ROBO1: variants seen among roughly 807,000 people sequenced by gnomAD.
ROBO1 encodes the protein roundabout guidance receptor 1.
Under a neutral mutation model 195.9 loss-of-function variants are expected in ROBO1, and 149 were observed. The ratio of observed to expected loss-of-function variants is 0.76; its 90% CI spans 0.67 to 0.87. ROBO1 has a LOEUF of 0.87. ROBO1 is among the 40% of genes least tolerant of loss of function. The pLI, the probability that ROBO1 is intolerant of heterozygous loss-of-function variation, is 0.00. For missense variants in ROBO1, 1,933 were observed against 2,068.3 expected, an observed-to-expected ratio of 0.93 and a Z score of 1.27; for synonymous variants, 816 against 733.2, an observed-to-expected ratio of 1.11 and a Z score of -1.82.
intron 2 of ROBO1, among the ~76,000 whole-genome samples, chr3:79,381,199 A>G (rs946666660): frequency 2.0e-5 from 3 of 151,962 alleles, no homozygotes; most frequent in Non-Finnish European, 2.9e-5. Flanking sequence ...TCTACTAAAA[A>G]TACTAAAATT....
At chr3:79,110,702 A>C (rs1381343688) in intron 3 of ROBO1, among the ~76,000 whole-genome samples, 1 of 148,854 alleles carries the variant, frequency 6.7e-6, no homozygotes. Flanking sequence ...GGGTCACTGC[A>C]GCCTTGAACT....
intron 1 of ROBO1, among the ~76,000 whole-genome samples, chr3:79,636,768 G>T (rs1945508078): frequency 6.6e-6 from 1 of 152,190 alleles, no homozygotes; most frequent in Admixed American, 6.5e-5. Flanking sequence ...GGCTTCAAAA[G>T]AAGATTTGAG....
At chr3:79,125,363 G>T (rs1005875086) in intron 3 of ROBO1, 93 bp downstream of exon 3, 16 of 987,514 alleles carry the variant, frequency 1.6e-5, no homozygotes, top group Admixed American at 1.0e-4. Context: ...TGGAAGCAGG[G>T]ATGATTCGAT....
chr3:79,705,501 C>T (rs1049292731), intron 1 of ROBO1, among the ~76,000 whole-genome samples: 1 of 151,944 alleles, frequency 6.6e-6, no homozygotes, highest in Non-Finnish European at 1.5e-5. Flanking sequence ...ATTTATGTGG[C>T]TTTATTTCTG....
At chr3:78,739,394 A>C (rs974713295) in intron 5 of ROBO1, among the ~76,000 whole-genome samples, 2 of 152,144 alleles carry the variant, frequency 1.3e-5, no homozygotes, top group Non-Finnish European at 2.9e-5. Flanking sequence ...TTTTTTCAAC[A>C]ATAACTTTTG....
In ROBO1 at chr3:79,093,899, A is replaced by G. The variant is rs573827916; in HGVS notation, c.172+31557T>C. ...ATCAGAGAAACAGGGGGAGAGCTAG[A>G]AGAATCCTAAGGGGAATGACCCTAC... is the stretch of plus-strand genomic sequence containing the variant. On this transcript the variant is annotated intron_variant, in intron 3 of 30. Coordinates refer to ENST00000464233, the MANE Select transcript of ROBO1 (RefSeq NM_002941.4). 2.0e-4 allele frequency among the ~76,000 whole-genome samples: 30 copies of G among 152,168 alleles called. No individual in the cohort carries two copies. In the South Asian group the frequency reaches 6.0e-3, roughly 31 times the overall value.
At chr3:79,103,353 C>T (rs2079714280) in intron 3 of ROBO1, among the ~76,000 whole-genome samples, 2 of 151,790 alleles carry the variant, frequency 1.3e-5, no homozygotes, top group African/African-American at 4.8e-5. Flanking sequence ...TTTCGGTCAG[C>T]TTTTGCATTA....
intron 19 of ROBO1, among the ~76,000 whole-genome samples, chr3:78,648,772 T>C (rs1706459223): frequency 6.6e-6 from 1 of 152,106 alleles, no homozygotes; most frequent in Non-Finnish European, 1.5e-5. Flanking sequence ...ACTAGAATAT[T>C]GATTACTTAT....
intron 4 of ROBO1, among the ~76,000 whole-genome samples, chr3:78,843,083 G>A (rs1482426360): frequency 6.6e-6 from 1 of 152,034 alleles, no homozygotes; most frequent in East Asian, 1.9e-4. Context: ...CTATTTATAT[G>A]ATAAGCATGT....
intron 1 of ROBO1, among the ~76,000 whole-genome samples, chr3:79,743,793 C>T (rs991009116): frequency 2.6e-5 from 4 of 152,118 alleles, no homozygotes; most frequent in Non-Finnish European, 4.4e-5. Context: ...ACACATTAGC[C>T]TGGATCCAGG....
intron 2 of ROBO1, among the ~76,000 whole-genome samples, chr3:79,227,719 A>T (rs535819212): frequency 6.6e-6 from 1 of 152,298 alleles, no homozygotes; most frequent in African/African-American, 2.4e-5. Flanking sequence ...TAACTATTTG[A>T]CCTCACAGGG....
At chr3:79,112,214 T>A (rs1269645700) in intron 3 of ROBO1, among the ~76,000 whole-genome samples, 1 of 152,170 alleles carries the variant, frequency 6.6e-6, no homozygotes, top group Non-Finnish European at 1.5e-5. Flanking sequence ...AGAATATGAA[T>A]ATTTGAATTG....
chr3:79,660,328 C>A (rs1212812314), intron 1 of ROBO1, among the ~76,000 whole-genome samples: 1 of 151,792 alleles, frequency 6.6e-6, no homozygotes, highest in Admixed American at 6.6e-5. Context: ...GTGCCATATT[C>A]TCAGAAGTAG....
chr3:79,231,513 A>T (rs1044765596), intron 2 of ROBO1, among the ~76,000 whole-genome samples: 6 of 152,140 alleles, frequency 3.9e-5, no homozygotes, highest in Non-Finnish European at 7.4e-5. Flanking sequence ...ACCGTGAGAT[A>T]CAATCTCACA....
chr3:79,161,839 G>A (rs994345572), intron 2 of ROBO1, among the ~76,000 whole-genome samples: 3 of 151,940 alleles, frequency 2.0e-5, no homozygotes, highest in African/African-American at 7.3e-5. Context: ...TGGTACCCAT[G>A]GGCACTTACT....
chr3:79,501,850 C>T (rs1355027359), intron 2 of ROBO1, among the ~76,000 whole-genome samples: 1 of 152,176 alleles, frequency 6.6e-6, no homozygotes, highest in Non-Finnish European at 1.5e-5. Flanking sequence ...TGAATAACGG[C>T]CAGTATCAGT....
At chr3:79,008,936 TTTG>T (rs1222868878) in intron 3 of ROBO1, among the ~76,000 whole-genome samples, 3 of 146,344 alleles carry the variant, frequency 2.0e-5, no homozygotes, top group African/African-American at 7.6e-5. Context: ...TGTGTATGGT[TTTG>T]TTTTGTTTTG....
intron 3 of ROBO1, among the ~76,000 whole-genome samples, chr3:78,992,401 C>T (rs1429898602): frequency 2.6e-5 from 4 of 152,122 alleles, no homozygotes; most frequent in Non-Finnish European, 4.4e-5. Context: ...AGGGTTTCCT[C>T]TCACTATTGC....
chr3:79,400,711 A>G (rs1057144229), intron 2 of ROBO1, among the ~76,000 whole-genome samples: 1 of 152,024 alleles, frequency 6.6e-6, no homozygotes, highest in Non-Finnish European at 1.5e-5. Context: ...AGTAGATTAT[A>G]TTAGGAGGAG....
Sources: allele counts gnomAD v4.1 joint callset (sites outside exome capture counted in the v4.1 genomes callset), GRCh38; gene constraint gnomAD v4.1.1; transcripts MANE v1.5; gene names NCBI Gene and HGNC (gene_info 2026-07-23, HGNC 2026-07-21).